UBE2F: variants seen among roughly 807,000 people sequenced by gnomAD.
The protein encoded by UBE2F is ubiquitin conjugating enzyme E2 F (putative), also known as NEDD8-conjugating enzyme UBE2F.
Under a neutral mutation model 29.6 loss-of-function variants are expected in UBE2F, and 5 were observed. That is an observed-to-expected ratio of 0.17 (90% CI 0.09 to 0.36). UBE2F has a LOEUF of 0.36. Among genes scored for constraint, UBE2F ranks in the 10% least tolerant of loss-of-function variants. The pLI is 1.00. For synonymous variants in UBE2F, 66 were observed against 81.8 expected, an observed-to-expected ratio of 0.81 and a Z score of 1.04; for missense variants, 141 against 228.5, an observed-to-expected ratio of 0.62 and a Z score of 2.47.
At chr2:238,034,008 A>G (rs992030622) in intron 8 of UBE2F, among the ~76,000 whole-genome samples, 1 of 152,098 alleles carries the variant, frequency 6.6e-6, no homozygotes, top group African/African-American at 2.4e-5. Flanking sequence ...ATCAGCCACC[A>G]TAATTTTTTT....
chr2:237,984,086 CCT>C (rs1222285063), intron 2 of UBE2F, among the ~76,000 whole-genome samples: 5 of 151,890 alleles, frequency 3.3e-5, no homozygotes, highest in African/African-American at 1.2e-4. Context: ...CTACCCCTCC[CCT>C]ACTCCTCCTC....
chr2:238,036,034 C>G, intron 9 of UBE2F, 94 bp downstream of exon 9: 1 of 1,145,310 alleles, frequency 8.7e-7, no homozygotes, highest in Non-Finnish European at 1.3e-6. Context: ...ATTTATCCAC[C>G]AAGAGAGTGG....
intron 1 of UBE2F, among the ~76,000 whole-genome samples, chr2:237,972,545 T>A (rs866413380): frequency 0.12 from 5,225 of 42,714 alleles, 589 homozygotes; most frequent in African/African-American, 0.32. Context: ...TTTTAAATTT[T>A]TTTTTTTTTT....
chr2:238,004,447 C>T (rs2063860402), intron 4 of UBE2F, among the ~76,000 whole-genome samples: 1 of 151,610 alleles, frequency 6.6e-6, no homozygotes, highest in Non-Finnish European at 1.5e-5. Context: ...AGTTCTTTAC[C>T]ATAGATACGT....
chr2:237,978,684 T>C (rs927035727), intron 2 of UBE2F, among the ~76,000 whole-genome samples: 1 of 152,110 alleles, frequency 6.6e-6, no homozygotes, highest in African/African-American at 2.4e-5. Flanking sequence ...CTGGAGGGTG[T>C]AGAATGATGA....
intron 4 of UBE2F, among the ~76,000 whole-genome samples, chr2:237,996,870 T>A (rs980427113): frequency 1.3e-5 from 2 of 152,214 alleles, no homozygotes; most frequent in African/African-American, 4.8e-5. Flanking sequence ...CTTAGAATTG[T>A]CCTTGAAAAT....
intron 2 of UBE2F, among the ~76,000 whole-genome samples, chr2:237,987,497 G>A (rs939798437): frequency 6.6e-6 from 1 of 152,156 alleles, no homozygotes; most frequent in Non-Finnish European, 1.5e-5. Context: ...TGAATGGCTC[G>A]TGGAAGAGGG....
In UBE2F at chr2:238,042,769, C is replaced by T. The variant is rs1207168593; in HGVS notation, c.*1431C>T. ...GTGAGGAATGTAGGCCTTGCTTCCTCTTTGCACCCATTAGACTTGAGGGTG... is the reference window on the plus strand; with the variant it reads ...GTGAGGAATGTAGGCCTTGCTTCCTTTTTGCACCCATTAGACTTGAGGGTG... On this transcript the variant is annotated 3_prime_UTR_variant, in exon 10 of 10. Transcript: ENST00000272930. The T allele has an allele frequency of 6.6e-6, 1 of 152,242 alleles. No individual in the cohort carries two copies. The highest frequency in any genetic ancestry group is 1.5e-5 in the Non-Finnish European group (1 of 68,070). 9.4% of individuals were successfully genotyped at this position (152,242 alleles called of 1,614,324 possible).
At chr2:238,030,762 C>T in intron 7 of UBE2F, 149 bp downstream of exon 7, 1 of 666,826 alleles carries the variant, frequency 1.5e-6, no homozygotes, top group East Asian at 2.8e-5. Context: ...TCCCTGCTGC[C>T]TAGGCTACTT....
At position 238,025,377 on chromosome 2, in the gene UBE2F, C is replaced by G. The variant is rs780096368; in HGVS notation, c.318C>G (p.His106Gln). Residue 106 changes from histidine to glutamine, a missense_variant, in exon 6 of 10, where the codon CAC (histidine) becomes CAG (glutamine). Physicochemically the swap from His to Gln is conservative, Grantham distance 24. Coordinates refer to ENST00000272930, the MANE Select transcript of UBE2F (RefSeq NM_080678.3). ...PKVKCLTKIW[H>Q]PNITETGEIC... ...TGAAATGCCTGACCAAGATCTGGCA[C>G]CCCAACATCACAGAGACAGGGGAAA... The G allele has an allele frequency of 6.2e-7, 1 of 1,613,894 alleles. No homozygotes were observed. The highest frequency in any genetic ancestry group is 8.5e-7 in the Non-Finnish European group (1 of 1,179,946).
chr2:238,031,732 T>A (rs1322823549), intron 7 of UBE2F, among the ~76,000 whole-genome samples: 1 of 152,272 alleles, frequency 6.6e-6, no homozygotes, highest in African/African-American at 2.4e-5. Context: ...TTGTGAATCT[T>A]CTATGATTCT....
intron 4 of UBE2F, among the ~76,000 whole-genome samples, chr2:238,016,327 G>T (rs2064151973): frequency 6.6e-6 from 1 of 152,164 alleles, no homozygotes; most frequent in South Asian, 2.1e-4. Context: ...CTGAGGGTGT[G>T]CTCAGCCCCC....
chr2:237,999,134 G>A (rs974764056), intron 4 of UBE2F, among the ~76,000 whole-genome samples: 1 of 148,402 alleles, frequency 6.7e-6, no homozygotes, highest in African/African-American at 2.5e-5. Context: ...CCAGGCTGGA[G>A]TGCAGTGGTG....
In UBE2F at chr2:237,982,367, C is replaced by CTCT. The variant is rs1471095723; in HGVS notation, c.119-5593_119-5591dup. On this transcript the variant is annotated intron_variant, in intron 2 of 9. Transcript: ENST00000272930. The surrounding 1 kb of genome is among the most constrained non-coding windows in gnomAD (Gnocchi z 4.1). ...GTCTTAGCACTGGTCAGTGGCCTCA[C>CTCT]TCTTCATTGTCCGTCTGTGCCCAGA... is the stretch of plus-strand genomic sequence containing the variant. Among the ~76,000 whole-genome samples, 4 of 152,234 alleles carry CTCT rather than the reference C, an allele frequency of 2.6e-5. No homozygotes were observed. Among genetic ancestry groups the CTCT allele is most frequent in the African/African-American group, 9.6e-5 (4 of 41,466 alleles).
chr2:238,001,211 T>G (rs995746891), intron 4 of UBE2F, among the ~76,000 whole-genome samples: 40 of 152,184 alleles, frequency 2.6e-4, no homozygotes, highest in Admixed American at 2.6e-4. Flanking sequence ...TTTTGTATTT[T>G]TAGTAAAGAC....
At position 238,030,625 on chromosome 2, in the gene UBE2F, G is replaced by T. The variant is rs754856980; in HGVS notation, c.411+12G>T. 12 of 1,608,040 alleles carry T rather than the reference G, an allele frequency of 7.5e-6. 2 individuals carry two copies. The highest frequency in any genetic ancestry group is 3.3e-5 in the South Asian group (3 of 90,798). On this transcript the variant is annotated intron_variant, in intron 7 of 9. Coordinates refer to ENST00000272930, the MANE Select transcript of UBE2F (RefSeq NM_080678.3). Reference sequence around the variant, plus strand: ...CAAGAACATTAAAGGTAGAGTCTGTGCCTTGATCTTGATCATAAGTTGTCC... The same window carrying T: ...CAAGAACATTAAAGGTAGAGTCTGTTCCTTGATCTTGATCATAAGTTGTCC...
At chr2:238,014,977 T>G (rs72977049) in intron 4 of UBE2F, among the ~76,000 whole-genome samples, 6,604 of 152,178 alleles carry the variant, frequency 0.043, 170 homozygotes, top group South Asian at 0.072. Flanking sequence ...CTCAAGTAAG[T>G]GGAGGAAGGC....
chr2:237,981,968 A>T (rs1366438395), intron 2 of UBE2F, among the ~76,000 whole-genome samples: 2 of 152,160 alleles, frequency 1.3e-5, no homozygotes, highest in Non-Finnish European at 2.9e-5. Flanking sequence ...AACTCTTGAT[A>T]TAATTGGTCA....
At chr2:238,007,955 G>A (rs1366810993) in intron 4 of UBE2F, among the ~76,000 whole-genome samples, 1 of 152,048 alleles carries the variant, frequency 6.6e-6, no homozygotes, top group African/African-American at 2.4e-5. Context: ...GTATTAATTA[G>A]TTAATTGATT....
Sources: gnomAD v4.1 joint callset for allele counts (sites outside exome capture counted in the v4.1 genomes callset) on GRCh38, gnomAD v4.1.1 for gene constraint, Gnocchi (gnomAD v3.1) non-coding constraint, MANE v1.5 for transcripts, NCBI Gene and HGNC (gene_info 2026-07-23, HGNC 2026-07-21) for gene names.